The following DOCK5 variants were observed in gnomAD, a reference collection of about 807,000 sequenced individuals.
DOCK5 encodes the protein dedicator of cytokinesis 5, also known as dedicator of cytokinesis protein 5.
Under a neutral mutation model 251.8 loss-of-function variants are expected in DOCK5, and 142 were observed. The observed-to-expected ratio is 0.56, with a 90% CI of 0.49 to 0.65. The LOEUF is 0.65. Among genes scored for constraint, DOCK5 ranks in the 30% least tolerant of loss-of-function variants. DOCK5 has a pLI of 0.00. For missense variants in DOCK5, 2,111 were observed against 2,312.3 expected, an observed-to-expected ratio of 0.91 and a Z score of 1.79; for synonymous variants, 842 against 835.5, an observed-to-expected ratio of 1.01 and a Z score of -0.13.
At chr8:25,401,132 C>T in intron 47 of DOCK5, 66 bp downstream of exon 47, 2 of 1,581,718 alleles carry the variant, frequency 1.3e-6, no homozygotes, top group East Asian at 2.3e-5. Context: ...GACACTGATT[C>T]GTTTTTCAGA....
At chr8:25,278,312 A>G (rs946057365) in intron 4 of DOCK5, among the ~76,000 whole-genome samples, 6 of 145,990 alleles carry the variant, frequency 4.1e-5, no homozygotes, top group Admixed American at 2.7e-4. Flanking sequence ...CTCCTGGAGA[A>G]ATCTACACTG....
intron 1 of DOCK5, among the ~76,000 whole-genome samples, chr8:25,219,847 A>G (rs1802337124): frequency 6.8e-6 from 1 of 146,712 alleles, no homozygotes; most frequent in Non-Finnish European, 1.5e-5. Context: ...TCTTTCCGTT[A>G]TTTGTGCTAG....
At chr8:25,319,912 T>C (rs1805378234) in intron 15 of DOCK5, among the ~76,000 whole-genome samples, 1 of 152,248 alleles carries the variant, frequency 6.6e-6, no homozygotes, top group African/African-American at 2.4e-5. Flanking sequence ...GTGATGGATA[T>C]AATAGACTGC....
chr8:25,364,739 T>G (rs1800746970), intron 30 of DOCK5, 35 bp downstream of exon 30: 1 of 1,484,726 alleles, frequency 6.7e-7, no homozygotes, highest in Non-Finnish European at 9.2e-7. Context: ...CTTCTAGAAT[T>G]CTTGGCCATG....
intron 9 of DOCK5, among the ~76,000 whole-genome samples, chr8:25,301,427 T>C (rs1316283402): frequency 7.2e-5 from 11 of 152,216 alleles, no homozygotes; most frequent in Non-Finnish European, 1.5e-4. Flanking sequence ...GGAATGATTA[T>C]GTTAAAAGTG....
chr8:25,265,420 C>T (rs1026025829), intron 2 of DOCK5, among the ~76,000 whole-genome samples: 5 of 151,912 alleles, frequency 3.3e-5, no homozygotes, highest in Admixed American at 2.0e-4. Context: ...ACAACTTCCT[C>T]GCTTGATTTG....
At chr8:25,343,801 G>A (rs945737370) in intron 25 of DOCK5, among the ~76,000 whole-genome samples, 4 of 151,974 alleles carry the variant, frequency 2.6e-5, no homozygotes, top group African/African-American at 4.8e-5. Context: ...TAAAGCAAGC[G>A]TTTTTTTGTT....
chr8:25,272,539 A>C (rs1470229479), intron 3 of DOCK5, among the ~76,000 whole-genome samples: 1 of 152,184 alleles, frequency 6.6e-6, no homozygotes, highest in Non-Finnish European at 1.5e-5. Flanking sequence ...TCTGATTTCA[A>C]AAACCTTCAG....
intron 1 of DOCK5, among the ~76,000 whole-genome samples, chr8:25,213,411 C>T (rs71517807): frequency 6.6e-6 from 1 of 151,850 alleles, no homozygotes; most frequent in Non-Finnish European, 1.5e-5. Flanking sequence ...TTTCATCCCC[C>T]TTCTGGCTGC....
At chr8:25,210,041 T>TATATATATATAA (rs1563309172) in intron 1 of DOCK5, among the ~76,000 whole-genome samples, 8 of 17,320 alleles carry the variant, frequency 4.6e-4, no homozygotes, top group African/African-American at 2.2e-3. Flanking sequence ...TATAAATGTG[T>TATATATATATAA]GTGTGTGTGT....
In DOCK5 at chr8:25,415,224, A is replaced by G. The variant is rs1801689123; in HGVS notation, c.*3926A>G. On this transcript the variant is annotated 3_prime_UTR_variant, in exon 52 of 52. Coordinates refer to ENST00000276440, the MANE Select transcript of DOCK5 (RefSeq NM_024940.8). ...TAATTTGTGCAACATCTTATAAACA[A>G]TGTCATTTCCATAGTAGTCTAAGGC... 1 of 152,150 alleles carries G rather than the reference A, an allele frequency of 6.6e-6. No homozygotes were observed. 9.4% of individuals were successfully genotyped at this position (152,150 alleles called of 1,614,324 possible).
intron 34 of DOCK5, 79 bp downstream of exon 34, chr8:25,369,720 T>C: frequency 8.1e-7 from 1 of 1,229,472 alleles, no homozygotes. Context: ...GTTTCACCAA[T>C]AGAGCAATTG....
intron 18 of DOCK5, among the ~76,000 whole-genome samples, chr8:25,326,706 C>T (rs941070808): frequency 1.3e-5 from 2 of 152,080 alleles, no homozygotes; most frequent in African/African-American, 2.4e-5. Context: ...CCCTTTGAGC[C>T]TGTGATTTGA....
At chr8:25,268,627 T>C (rs1214813025) in intron 2 of DOCK5, among the ~76,000 whole-genome samples, 1 of 152,206 alleles carries the variant, frequency 6.6e-6, no homozygotes, top group Non-Finnish European at 1.5e-5. Context: ...CTAAGTGAAT[T>C]TTAAATCCAA....
chr8:25,258,101 C>T (rs924722380), intron 2 of DOCK5, among the ~76,000 whole-genome samples: 1 of 152,114 alleles, frequency 6.6e-6, no homozygotes, highest in African/African-American at 2.4e-5. Context: ...TCCTTCCTCT[C>T]ACTGAGCTTC....
intron 1 of DOCK5, among the ~76,000 whole-genome samples, chr8:25,192,892 GC>G (rs1468514583): frequency 6.6e-6 from 1 of 152,172 alleles, no homozygotes; most frequent in Non-Finnish European, 1.5e-5. Context: ...GAAAAAGAAA[GC>G]CTTATCTTTC....
intron 42 of DOCK5, among the ~76,000 whole-genome samples, chr8:25,390,727 A>G (rs1801242540): frequency 6.6e-6 from 1 of 152,214 alleles, no homozygotes; most frequent in Admixed American, 6.5e-5. Flanking sequence ...TTGTCTTGAA[A>G]AGCTGAATGC....
intron 2 of DOCK5, among the ~76,000 whole-genome samples, chr8:25,249,232 C>T (rs1019351920): frequency 2.0e-5 from 3 of 152,056 alleles, no homozygotes; most frequent in Non-Finnish European, 2.9e-5. Flanking sequence ...AACTCCCGGC[C>T]CTTAGCGATC....
chr8:25,330,709 CTATT>C (rs374348580), intron 18 of DOCK5, among the ~76,000 whole-genome samples: 1 of 152,264 alleles, frequency 6.6e-6, no homozygotes, highest in African/African-American at 2.4e-5. Flanking sequence ...AGGACTTTGA[CTATT>C]TATGAAAAAT....
Sources: allele counts gnomAD v4.1 joint callset (sites outside exome capture counted in the v4.1 genomes callset), GRCh38; gene constraint gnomAD v4.1.1; transcripts MANE v1.5; gene names NCBI Gene and HGNC (gene_info 2026-07-23, HGNC 2026-07-21).